NUP50: variants seen among roughly 807,000 people sequenced by gnomAD.
NUP50 encodes nuclear pore complex protein Nup50.
In NUP50, 14 loss-of-function variants were observed where a neutral mutation model predicts 36.8. The ratio of observed to expected loss-of-function variants is 0.38; its 90% CI spans 0.25 to 0.59. The LOEUF (loss-of-function observed/expected upper bound fraction) is 0.59. Among genes scored for constraint, NUP50 ranks in the 20% least tolerant of loss-of-function variants. NUP50 has a pLI of 0.63. For synonymous variants in NUP50, 195 were observed against 210.8 expected (o/e 0.93, Z 0.65); for missense variants, 455 against 564.6 (o/e 0.81, Z 1.97).
intron 6 of NUP50, among the ~76,000 whole-genome samples, chr22:45,182,660 T>C (rs1365579287): frequency 4.2e-5 from 6 of 142,720 alleles, no homozygotes; most frequent in Non-Finnish European, 9.1e-5. Context: ...AGTCTCTTTC[T>C]GTCACCCAGG....
At chr22:45,176,887 A>G (rs1250351663) in intron 4 of NUP50, among the ~76,000 whole-genome samples, 1 of 152,030 alleles carries the variant, frequency 6.6e-6, no homozygotes, top group Admixed American at 6.6e-5. Flanking sequence ...GACTACAGGC[A>G]TGCACCACCA....
intron 1 of NUP50, among the ~76,000 whole-genome samples, chr22:45,167,281 C>T (rs890221265): frequency 5.9e-5 from 9 of 152,128 alleles, no homozygotes; most frequent in African/African-American, 2.2e-4. Flanking sequence ...GTTTTTTGTC[C>T]AGCTGGAGAG....
In NUP50 at chr22:45,168,898, A is replaced by ATTT. The variant is rs34675932; in HGVS notation, c.69+671_69+673dup. On this transcript the variant is annotated intron_variant, in intron 2 of 7. Transcript: ENST00000347635. ...AGAGATCCCGGTCTCTATAAAAAAA[A>ATTT]TTTTTTTTTTTTTTTTTTTTTGAGA... Among the ~76,000 whole-genome samples, 126 of 131,978 alleles carry ATTT rather than the reference A, an allele frequency of 9.5e-4. 2 individuals carry two copies. The highest frequency in any genetic ancestry group is 2.6e-3 in the African/African-American group (89 of 34,198). The allele number at this position is 131,978 out of a possible 152,430, so 86.6% of individuals were successfully genotyped here.
intron 1 of NUP50, among the ~76,000 whole-genome samples, chr22:45,165,373 CCA>C (rs1476261857): frequency 6.6e-6 from 1 of 152,158 alleles, no homozygotes; most frequent in Non-Finnish European, 1.5e-5. Context: ...GTAGCTGGGA[CCA>C]CAGGCGTGCG....
At position 45,186,474 on chromosome 22, in the gene NUP50, A is replaced by C. The variant is rs542299170; in HGVS notation, c.*1819A>C. The C allele has an allele frequency of 1.4e-4, 22 of 152,380 alleles. No homozygotes were observed. The highest frequency in any genetic ancestry group is 5.3e-4 in the African/African-American group (22 of 41,560). 9.4% of individuals were successfully genotyped at this position (152,380 alleles called of 1,614,324 possible). On this transcript the variant is annotated 3_prime_UTR_variant, in exon 8 of 8. Transcript: ENST00000347635. The stretch of plus-strand genomic sequence containing the variant: ...TAAGTTTGTTGCAACTTAGCCACAC[A>C]TGCTTCCCTGGTACCAGCTGGAATC...
intron 2 of NUP50, 77 bp downstream of exon 2, chr22:45,168,323 C>T: frequency 4.5e-6 from 5 of 1,114,122 alleles, no homozygotes; most frequent in South Asian, 1.4e-5. Flanking sequence ...CTCATGAAGA[C>T]TTGTGACAGA....
chr22:45,183,371 G>T (rs1232124734), intron 6 of NUP50, 31 bp from the exon 7 acceptor site: 2 of 1,281,350 alleles, frequency 1.6e-6, no homozygotes, highest in Admixed American at 1.7e-5. Context: ...GTCCTTGAAT[G>T]CTTGATGGTC....
chr22:45,176,181 T>C (rs1039337725), intron 4 of NUP50, 101 bp downstream of exon 4: 1 of 1,295,116 alleles, frequency 7.7e-7, no homozygotes, highest in African/African-American at 1.5e-5. Flanking sequence ...CTTGGAACTG[T>C]GTGAGCAAAA....
At chr22:45,173,315 A>C (rs1036498121) in intron 3 of NUP50, among the ~76,000 whole-genome samples, 8 of 151,380 alleles carry the variant, frequency 5.3e-5, no homozygotes, top group East Asian at 1.9e-4. Context: ...CCTGTTGTAC[A>C]GTAAACCTCT....
In NUP50 at chr22:45,176,046, T is replaced by TTTG. The variant is rs1569050039; in HGVS notation, c.306_307insTTG (p.Ser102_Ala103insLeu). 6.2e-7 allele frequency: 1 copy of TTTG among 1,614,090 alleles called. No homozygotes were observed. Among genetic ancestry groups the TTTG allele is most frequent in the Admixed American group, 1.7e-5 (1 of 59,998 alleles). On this transcript the variant is annotated inframe_insertion, in exon 4 of 8. Coordinates refer to ENST00000347635, the MANE Select transcript of NUP50 (RefSeq NM_007172.4). ...TAACCAGTGCCCCTCCCTTCGCCAG[T>TTTG]GCAAAGGCAGCGGCAGATCCCAAGG...
At chr22:45,174,429 G>A (rs1440115535) in intron 3 of NUP50, among the ~76,000 whole-genome samples, 6 of 152,000 alleles carry the variant, frequency 3.9e-5, no homozygotes, top group Non-Finnish European at 7.4e-5. Flanking sequence ...TGAATGTCTC[G>A]GCCTCCCAAA....
At chr22:45,176,608 G>A (rs1213125107) in intron 4 of NUP50, among the ~76,000 whole-genome samples, 3 of 152,274 alleles carry the variant, frequency 2.0e-5, no homozygotes, top group Admixed American at 6.5e-5. Context: ...ATAGGATCAC[G>A]GGTTAAAAGC....
At chr22:45,178,124 G>A in intron 4 of NUP50, 114 bp from the exon 5 acceptor site, 2 of 919,154 alleles carry the variant, frequency 2.2e-6, no homozygotes, top group East Asian at 2.6e-5. Context: ...AGACTGTCTT[G>A]GTGTGGGGGG....
intron 2 of NUP50, among the ~76,000 whole-genome samples, chr22:45,170,607 C>T (rs146386209): frequency 1.2e-3 from 176 of 152,178 alleles, no homozygotes; most frequent in African/African-American, 4.1e-3. Flanking sequence ...AACCAGAATC[C>T]CAAGGATGTG....
intron 3 of NUP50, among the ~76,000 whole-genome samples, chr22:45,174,091 A>C (rs898673765): frequency 2.0e-5 from 3 of 152,168 alleles, no homozygotes; most frequent in Non-Finnish European, 4.4e-5. Context: ...TTTCCTCTGT[A>C]AGTGCCATGG....
At chr22:45,182,540 ATTAG>A (rs1003733073) in intron 6 of NUP50, among the ~76,000 whole-genome samples, 26 of 151,826 alleles carry the variant, frequency 1.7e-4, no homozygotes, top group African/African-American at 5.1e-4. Context: ...TTACTTTGTT[ATTAG>A]TTAGACCCTA....
Position 45,184,565 on chromosome 22 carries a change from C to T in NUP50, c.1317C>T (p.Ala439=), listed in dbSNP as rs2074438704. 1.2e-6 allele frequency: 2 copies of T among 1,611,864 alleles called. No individual in the cohort carries two copies. Among genetic ancestry groups the T allele is most frequent in the South Asian group, 1.1e-5 (1 of 91,040 alleles). The change falls in exon 8 of 8, where the codon GCC becomes GCT. Residue 439 remains alanine (A), a synonymous_variant. Coordinates refer to ENST00000347635, the MANE Select transcript of NUP50 (RefSeq NM_007172.4). ...VPNPPIDEKN[A]TMPVTMLIRV... is the part of the protein sequence containing the mutation. ...ATCCACCAATTGACGAGAAGAATGCCACCATGCCAGTCACCATGTTGATTC... is the reference window on the plus strand; with the variant it reads ...ATCCACCAATTGACGAGAAGAATGCTACCATGCCAGTCACCATGTTGATTC...
Position 45,186,645 on chromosome 22 carries a change from AG to A in NUP50, c.*1991del, listed in dbSNP as rs1481957312. 5 of 152,754 alleles carry A rather than the reference AG, an allele frequency of 3.3e-5. No individual in the cohort carries two copies. The allele number at this position is 152,754 out of a possible 1,614,324, so 9.5% of individuals were successfully genotyped here. ...TTAAACCTGCCCTTCTGTAAAAAAT[AG>A]TTTATATATTTTTAAATTAGTAGGT... On this transcript the variant is annotated 3_prime_UTR_variant, in exon 8 of 8. Transcript: ENST00000347635.
At chr22:45,177,525 C>CT (rs1480778099) in intron 4 of NUP50, among the ~76,000 whole-genome samples, 2 of 151,678 alleles carry the variant, frequency 1.3e-5, no homozygotes, top group Non-Finnish European at 2.9e-5. Context: ...TACAGAGGGG[C>CT]GACTGTACTT....
Sources: allele counts gnomAD v4.1 joint callset (sites outside exome capture counted in the v4.1 genomes callset), GRCh38; gene constraint gnomAD v4.1.1; transcripts MANE v1.5; gene names NCBI Gene and HGNC (gene_info 2026-07-23, HGNC 2026-07-21).